Variants in DACH1 observed in about 807,000 individuals in gnomAD.
DACH1 encodes the protein dachshund homolog 1.
In DACH1, 12 loss-of-function variants were observed where a neutral mutation model predicts 54.2. The observed-to-expected ratio is 0.22, with a 90% CI of 0.14 to 0.36. DACH1 has a LOEUF of 0.36. Ranked by LOEUF, DACH1 falls within the 10% of genes least tolerant of loss-of-function variation. The probability of loss-of-function intolerance (pLI) is 1.00; values close to 1 mark genes in which losing one functional copy is unlikely to be tolerated. For missense variants in DACH1, 805 were observed against 929.8 expected (o/e 0.87, Z 1.75); for synonymous variants, 386 against 366.2 (o/e 1.05, Z -0.62).
At chr13:71,455,371 T>C (rs916969454) in intron 10 of DACH1, among the ~76,000 whole-genome samples, 6 of 152,096 alleles carry the variant, frequency 3.9e-5, no homozygotes, top group Non-Finnish European at 8.8e-5. Flanking sequence ...GATATATCCA[T>C]ATCTACCTAT....
intron 1 of DACH1, among the ~76,000 whole-genome samples, chr13:71,733,238 T>C (rs1883831057): frequency 6.6e-6 from 1 of 151,220 alleles, no homozygotes; most frequent in Non-Finnish European, 1.5e-5. Flanking sequence ...CTCGACTCAC[T>C]GCAACCTCTG....
chr13:71,485,515 AT>A (rs1029236493), intron 7 of DACH1, among the ~76,000 whole-genome samples: 11 of 136,468 alleles, frequency 8.1e-5, no homozygotes, highest in South Asian at 2.3e-4. Flanking sequence ...TCAACATAGG[AT>A]TTTTTTTACA....
chr13:71,801,476 A>C (rs918821620), intron 1 of DACH1, among the ~76,000 whole-genome samples: 15 of 152,116 alleles, frequency 9.9e-5, no homozygotes, highest in African/African-American at 3.6e-4. Context: ...TTCTATCTGA[A>C]GACTGTCAAT....
intron 1 of DACH1, among the ~76,000 whole-genome samples, chr13:71,839,937 G>A (rs562097120): frequency 6.6e-5 from 10 of 151,686 alleles, no homozygotes; most frequent in East Asian, 3.9e-4. Context: ...CACTAAAGCC[G>A]TATTTATTTA....
intron 1 of DACH1, among the ~76,000 whole-genome samples, chr13:71,721,520 G>A (rs1883229141): frequency 6.6e-6 from 1 of 152,086 alleles, no homozygotes; most frequent in Non-Finnish European, 1.5e-5. Flanking sequence ...ATTAAAAGCA[G>A]CTTGGTTTTA....
At chr13:71,710,031 T>G (rs772523697) in intron 1 of DACH1, among the ~76,000 whole-genome samples, 1 of 152,102 alleles carries the variant, frequency 6.6e-6, no homozygotes, top group Admixed American at 6.5e-5. Context: ...TATTTTTTTG[T>G]AAAGATGGGG....
chr13:71,805,672 T>C (rs988360349), intron 1 of DACH1, among the ~76,000 whole-genome samples: 6 of 152,138 alleles, frequency 3.9e-5, no homozygotes, highest in African/African-American at 1.4e-4. Flanking sequence ...ACCGTTAGAG[T>C]CTTCTGAAAA....
intron 6 of DACH1, among the ~76,000 whole-genome samples, chr13:71,549,033 G>A (rs1367719986): frequency 6.6e-6 from 1 of 151,836 alleles, no homozygotes; most frequent in African/African-American, 2.4e-5. Flanking sequence ...TTCCATACTA[G>A]ACTATGCAAA....
chr13:71,510,715 T>A (rs1880711401), intron 6 of DACH1, among the ~76,000 whole-genome samples: 1 of 152,066 alleles, frequency 6.6e-6, no homozygotes, highest in East Asian at 1.9e-4. Flanking sequence ...GTAAATCTAT[T>A]TATTCATTTG....
At chr13:71,568,137 T>G (rs1257622553) in intron 4 of DACH1, among the ~76,000 whole-genome samples, 1 of 152,044 alleles carries the variant, frequency 6.6e-6, no homozygotes, top group Admixed American at 6.6e-5. Context: ...GGGATGTTAA[T>G]ACTCCAAAGT....
At position 71,770,401 on chromosome 13, in the gene DACH1, T is replaced by C. The variant is rs571017327; in HGVS notation, c.849-88491A>G. Among the ~76,000 whole-genome samples the C allele has an allele frequency of 4.6e-5, 7 of 151,810 alleles. No individual in the cohort carries two copies. The East Asian group carries it at 1.4e-3, about 29-fold the overall frequency. On this transcript the variant is annotated intron_variant, in intron 1 of 10. Coordinates refer to ENST00000613252, the MANE Select transcript of DACH1 (RefSeq NM_080759.6). ...CTATTTTGTCACCTCTTTTAAAAAT[T>C]ATCCTATTATACAATATCAGCTGAA...
At chr13:71,688,269 C>T (rs189349476) in intron 1 of DACH1, among the ~76,000 whole-genome samples, 2 of 152,290 alleles carry the variant, frequency 1.3e-5, no homozygotes, top group Non-Finnish European at 2.9e-5. Flanking sequence ...ATCAATATTT[C>T]GCCAAAAGAA....
chr13:71,632,436 T>A (rs1028351406), intron 2 of DACH1, among the ~76,000 whole-genome samples: 2 of 142,562 alleles, frequency 1.4e-5, no homozygotes, highest in Admixed American at 7.3e-5. Flanking sequence ...TTTTTTTTTT[T>A]ACTGTGGCTT....
chr13:71,811,629 G>T (rs1887716932), intron 1 of DACH1, among the ~76,000 whole-genome samples: 1 of 152,098 alleles, frequency 6.6e-6, no homozygotes, highest in South Asian at 2.1e-4. Flanking sequence ...GTATACTTAG[G>T]CTTTGGGTTC....
chr13:71,693,530 G>T (rs1283706763), intron 1 of DACH1, among the ~76,000 whole-genome samples: 2 of 145,038 alleles, frequency 1.4e-5, no homozygotes, highest in Admixed American at 1.4e-4. Flanking sequence ...GTGTTAGCCA[G>T]GATGGTCTCG....
chr13:71,506,361 C>T (rs1353488945), intron 6 of DACH1, among the ~76,000 whole-genome samples: 2 of 145,028 alleles, frequency 1.4e-5, no homozygotes, highest in Non-Finnish European at 3.0e-5. Context: ...TGTTCAATTC[C>T]CACCTATGAG....
intron 1 of DACH1, among the ~76,000 whole-genome samples, chr13:71,712,601 T>C (rs1274096562): frequency 6.6e-6 from 1 of 152,162 alleles, no homozygotes; most frequent in Non-Finnish European, 1.5e-5. Flanking sequence ...TTTAGCTGTA[T>C]TCAAAAGAAA....
chr13:71,843,440 T>C (rs986836697), intron 1 of DACH1, among the ~76,000 whole-genome samples: 1 of 152,068 alleles, frequency 6.6e-6, no homozygotes, highest in Non-Finnish European at 1.5e-5. Flanking sequence ...AATTTTTTTG[T>C]ATTTTATAGA....
intron 7 of DACH1, among the ~76,000 whole-genome samples, chr13:71,486,163 A>G (rs1307268304): frequency 2.0e-5 from 3 of 151,938 alleles, no homozygotes; most frequent in African/African-American, 7.2e-5. Flanking sequence ...TTTTTAAATT[A>G]TAATATATAA....
Sources: gnomAD v4.1 joint callset for allele counts (sites outside exome capture counted in the v4.1 genomes callset) on GRCh38, gnomAD v4.1.1 for gene constraint, MANE v1.5 for transcripts, NCBI Gene and HGNC (gene_info 2026-07-23, HGNC 2026-07-21) for gene names.